KDR: variants seen among roughly 807,000 people sequenced by gnomAD.
KDR encodes the protein vascular endothelial growth factor receptor 2.
Under a neutral mutation model 160.9 loss-of-function variants are expected in KDR, and 43 were observed. That is an observed-to-expected ratio of 0.27 (90% confidence interval 0.21 to 0.34). The LOEUF is 0.34. Ranked by LOEUF, KDR falls within the 10% of genes least tolerant of loss-of-function variation. KDR has a pLI of 1.00. For missense variants in KDR, 1,469 were observed against 1,666.4 expected, an observed-to-expected ratio of 0.88 and a Z score of 2.06; for synonymous variants, 617 against 600.1, an observed-to-expected ratio of 1.03 and a Z score of -0.41.
intron 29 of KDR, among the ~76,000 whole-genome samples, chr4:55,080,392 T>A (rs1454961574): frequency 6.6e-6 from 1 of 152,196 alleles, no homozygotes; most frequent in East Asian, 1.9e-4. Flanking sequence ...GGTCCAAGTC[T>A]TTCAAGCCTC....
In KDR at chr4:55,105,840, T is replaced by G. The variant is rs376432106; in HGVS notation, c.1637A>C (p.His546Pro). Residue 546 changes from histidine (H) to proline (P), a missense_variant, in exon 12 of 30, where the codon CAC becomes CCC. Transcript: ENST00000263923. ...CAGAGAAGAGTACTTACTGGTCACGTGGAAGGAGATCACCCTCTCTCCTCT... is the reference window on the plus strand; with the variant it reads ...CAGAGAAGAGTACTTACTGGTCACGGGGAAGGAGATCACCCTCTCTCCTCT... ...VGRGERVISFHVTRGPEITLQ... is the reference protein window; with the variant it reads ...VGRGERVISFPVTRGPEITLQ... 2 of 1,596,946 alleles carry G rather than the reference T, an allele frequency of 1.3e-6. No homozygotes were observed. Among genetic ancestry groups the G allele is most frequent in the Admixed American group, 1.7e-5 (1 of 59,970 alleles).
intron 29 of KDR, 48 bp from the exon 30 acceptor site, chr4:55,080,211 C>A (rs376139094): frequency 2.5e-6 from 4 of 1,575,552 alleles, no homozygotes; most frequent in Non-Finnish European, 3.5e-6. Flanking sequence ...GAAGACAATT[C>A]TTTTGCTTTT....
intron 18 of KDR, chr4:55,096,554 G>A: frequency 1.7e-6 from 1 of 576,202 alleles, no homozygotes; most frequent in Non-Finnish European, 3.1e-6. Flanking sequence ...GAGCCAGAAA[G>A]TTTGATATTT....
chr4:55,089,751 A>G lies in KDR; in HGVS notation c.3244T>C (p.Tyr1082His). 6.2e-7 allele frequency: 1 copy of G among 1,614,186 alleles called. No homozygotes were observed. Among genetic ancestry groups the G allele is most frequent in the Non-Finnish European group, 8.5e-7 (1 of 1,180,022 alleles). Residue 1082 changes from tyrosine (Y) to histidine (H), a missense_variant, in exon 24 of 30, where the codon TAC becomes CAC. By Grantham distance (83) the Tyr-to-His change is moderately conservative. This residue lies in a region of KDR where 132 missense variants were observed against 195.9 expected (regional missense o/e 0.67). Coordinates refer to ENST00000263923, the MANE Select transcript of KDR (RefSeq NM_002253.4). ...GACCAGACGTCACTCTGGATTGTGT[A>G]CACTCTGTCAAAAATTGTTTCTGGG... is the stretch of plus-strand genomic sequence containing the variant. ...MAPETIFDRV[Y>H]TIQSDVWSFG...
rs1429039237 is a variant in KDR at position 55,107,764 on chromosome 4, A to G, written c.1385T>C (p.Leu462Ser). ...PPHHIHWYWQLEEECANEPSQ... is the reference protein window; with the variant it reads ...PPHHIHWYWQSEEECANEPSQ... ...GGGCTCGTTGGCGCACTCTTCCTCC[A>G]ACTGCCAATACCAGTGGATGTGATG... The change falls in exon 10 of 30, where the codon TTG becomes TCG. Residue 462 changes from leucine to serine, a missense_variant. Around this residue, in one of 7 missense-constraint regions of KDR, gnomAD observed 792 missense variants for 840.9 expected, o/e 0.94. Coordinates refer to ENST00000263923, the MANE Select transcript of KDR (RefSeq NM_002253.4). The G allele has an allele frequency of 6.2e-7, 1 of 1,613,978 alleles. No homozygotes were observed. Among genetic ancestry groups the G allele is most frequent in the South Asian group, 1.1e-5 (1 of 91,086 alleles).
intron 27 of KDR, among the ~76,000 whole-genome samples, chr4:55,085,194 G>A (rs1320604295): frequency 1.3e-5 from 2 of 152,178 alleles, no homozygotes; most frequent in African/African-American, 2.4e-5. Flanking sequence ...GTGTTTTCTT[G>A]CAGGAAGCAT....
rs1364152120 is a variant in KDR, at chr4:55,121,087, G to C, written c.161+10C>G. Reference sequence around the variant, plus strand: ...AACACAAGAAATCTAGATCTAGAATGAATCCTTACCTGCAAGTAATTTGAA... The same window carrying C: ...AACACAAGAAATCTAGATCTAGAATCAATCCTTACCTGCAAGTAATTTGAA... On this transcript the variant is annotated intron_variant, in intron 2 of 29. Transcript: ENST00000263923. The C allele has an allele frequency of 6.4e-7, 1 of 1,565,678 alleles. No homozygotes were observed. The highest frequency in any genetic ancestry group is 1.1e-5 in the South Asian group (1 of 89,890).
At chr4:55,104,462 T>G in intron 13 of KDR, 181 bp downstream of exon 13, 1 of 642,884 alleles carries the variant, frequency 1.6e-6, no homozygotes, top group Non-Finnish European at 2.8e-6. Context: ...ATTTTCTCCT[T>G]TCGATATATC....
At chr4:55,082,120 C>T in intron 28 of KDR, 79 bp from the exon 29 acceptor site, 1 of 1,014,150 alleles carries the variant, frequency 9.9e-7, no homozygotes. Flanking sequence ...GATTTCTCAA[C>T]CCATCTATCA....
At chr4:55,091,996 T>A (rs1720029942) in intron 22 of KDR, among the ~76,000 whole-genome samples, 1 of 152,182 alleles carries the variant, frequency 6.6e-6, no homozygotes, top group Non-Finnish European at 1.5e-5. Context: ...CTAATTATAC[T>A]CCTAACAAAT....
chr4:55,095,261 C>A (rs1378410563), intron 20 of KDR, among the ~76,000 whole-genome samples: 3 of 152,104 alleles, frequency 2.0e-5, no homozygotes, highest in South Asian at 4.1e-4. Context: ...TTACACTCCA[C>A]GGGGCCAAAT....
intron 19 of KDR, among the ~76,000 whole-genome samples, chr4:55,096,014 A>G (rs1425301094): frequency 6.6e-6 from 1 of 152,202 alleles, no homozygotes; most frequent in East Asian, 1.9e-4. Flanking sequence ...AACAAACTGT[A>G]TCATAGTAGC....
At position 55,098,986 on chromosome 4, in the gene KDR, T is replaced by A. The variant is rs983573879; in HGVS notation, c.2267-183A>T. 1.7e-4 allele frequency among the ~76,000 whole-genome samples: 12 copies of A among 68,796 alleles called. No homozygotes were observed. In the East Asian group the frequency reaches 2.3e-3, roughly 13 times the overall value. The allele number at this position is 68,796 out of a possible 152,430, so 45.1% of individuals were successfully genotyped here. On this transcript the variant is annotated intron_variant, in intron 15 of 29. Transcript: ENST00000263923. ...CAGAATTCTTTTTTTGAATTTAATTTATTTATTTATTTATTTATTTATTTA... is the reference window on the plus strand; with the variant it reads ...CAGAATTCTTTTTTTGAATTTAATTAATTTATTTATTTATTTATTTATTTA...
At chr4:55,105,742 C>G in intron 12 of KDR, 90 bp downstream of exon 12, 2 of 835,354 alleles carry the variant, frequency 2.4e-6, no homozygotes, top group Admixed American at 1.7e-5. Context: ...CCATGCCACT[C>G]ACATGAATGG....
chr4:55,091,084 C>T (rs1720001716), intron 22 of KDR, among the ~76,000 whole-genome samples: 1 of 152,058 alleles, frequency 6.6e-6, no homozygotes, highest in Non-Finnish European at 1.5e-5. Context: ...AACTCCTGAC[C>T]TCAGGTGATC....
Position 55,125,554 on chromosome 4 carries a change from C to G in KDR, c.-261G>C. ...CCCGGCGCAGGCAGAGGAAACGCAG[C>G]GACCACACATTGACCGCTCTCCCGG... On this transcript the variant is annotated 5_prime_UTR_variant, in exon 1 of 30. Coordinates refer to ENST00000263923, the MANE Select transcript of KDR (RefSeq NM_002253.4). 1.7e-6 allele frequency: 1 copy of G among 596,116 alleles called. No individual in the cohort carries two copies. The highest frequency in any genetic ancestry group is 2.8e-5 in the East Asian group (1 of 36,114). The allele number at this position is 596,116 out of a possible 1,614,324, so 36.9% of individuals were successfully genotyped here.
chr4:55,082,877 C>A (rs1719772255), intron 27 of KDR, among the ~76,000 whole-genome samples: 1 of 152,228 alleles, frequency 6.6e-6, no homozygotes, highest in East Asian at 1.9e-4. Context: ...TTGAATCCTA[C>A]TTCTGAGGTC....
At chr4:55,101,797 C>T (rs1052698775) in intron 15 of KDR, 100 bp downstream of exon 15, 1 of 1,033,580 alleles carries the variant, frequency 9.7e-7, no homozygotes, top group Admixed American at 1.9e-5. Flanking sequence ...TGGCTTCCAG[C>T]TCCATCCATG....
intron 7 of KDR, among the ~76,000 whole-genome samples, chr4:55,111,948 G>C (rs1418051651): frequency 6.6e-6 from 1 of 152,132 alleles, no homozygotes; most frequent in East Asian, 1.9e-4. Context: ...CTAATAAATA[G>C]CATTATCTAA....
Sources: allele counts gnomAD v4.1 joint callset (sites outside exome capture counted in the v4.1 genomes callset), GRCh38; gene constraint gnomAD v4.1.1; regional missense constraint gnomAD v4.1.1; transcripts MANE v1.5; gene names NCBI Gene and HGNC (gene_info 2026-07-23, HGNC 2026-07-21).